The following ERVV-1 variants were observed in gnomAD, a reference collection of about 807,000 sequenced individuals.
ERVV-1 encodes endogenous retrovirus group V member 1, envelope, also known as endogenous retrovirus group V member 1 Env polyprotein.
For missense variants in ERVV-1, 150 were observed against 456.5 expected, an observed-to-expected ratio of 0.33 and a Z score of 6.12; for synonymous variants, 59 against 170.2, an observed-to-expected ratio of 0.35 and a Z score of 5.09.
chr19:53,015,957 T>C lies in ERVV-1; in HGVS notation c.*433T>C. 4.9e-5 allele frequency: 8 copies of C among 164,694 alleles called. No homozygotes were observed. The highest frequency in any genetic ancestry group is 1.9e-4 in the South Asian group (1 of 5,148). The allele number at this position is 164,694 out of a possible 1,614,324, so 10.2% of individuals were successfully genotyped here. The stretch of plus-strand genomic sequence containing the variant: ...AGCAAAAGGAGGAGCGTGGCTACAC[T>C]GGCTACACCTGGCCTTGTGGCTGCA... On this transcript the variant is annotated 3_prime_UTR_variant, in exon 1 of 1. Transcript: ENST00000602168.
rs924714057 is a variant in ERVV-1, at chr19:53,015,335, G to A, written c.1245G>A (p.Ala415=). The A allele has an allele frequency of 3.0e-5, 21 of 704,984 alleles. No homozygotes were observed. Among genetic ancestry groups the A allele is most frequent in the African/African-American group, 1.7e-4 (10 of 57,232 alleles). 43.7% of individuals were successfully genotyped at this position (704,984 alleles called of 1,614,324 possible). A position where few individuals can be genotyped will look rare whatever the true frequency, so the allele number is the denominator to read the frequency against. ...GCATTTATGTCAATAACAGTGGGGC[G>A]ATAGAGGAGGATATAAAAAAGATCT... ...SCCIYVNNSG[A]IEEDIKKIYD... Residue 415 remains alanine, a synonymous_variant, in exon 1 of 1, where the codon GCG becomes GCA. Coordinates refer to ENST00000602168, the MANE Select transcript of ERVV-1 (RefSeq NM_152473.3).
chr19:53,015,529 C>T lies in ERVV-1; in HGVS notation c.*5C>T. 1.6e-6 allele frequency: 1 copy of T among 632,076 alleles called. No individual in the cohort carries two copies. Among genetic ancestry groups the T allele is most frequent in the South Asian group, 1.9e-5 (1 of 54,000 alleles). The allele number at this position is 632,076 out of a possible 1,614,324, so 39.2% of individuals were successfully genotyped here. Reference sequence around the variant, plus strand: ...CTTTGGCCCTTGTCTCTATAATTCACTAATTAAATATGTCTCTTCCAGGAT... The same window carrying T: ...CTTTGGCCCTTGTCTCTATAATTCATTAATTAAATATGTCTCTTCCAGGAT... On this transcript the variant is annotated 3_prime_UTR_variant, in exon 1 of 1. Coordinates refer to ENST00000602168, the MANE Select transcript of ERVV-1 (RefSeq NM_152473.3).
Position 53,015,617 on chromosome 19 carries a change from C to A in ERVV-1, c.*93C>A, listed in dbSNP as rs939135328. 1 of 606,268 alleles carries A rather than the reference C, an allele frequency of 1.6e-6. No individual in the cohort carries two copies. The highest frequency in any genetic ancestry group is 2.9e-6 in the Non-Finnish European group (1 of 341,980). The allele number at this position is 606,268 out of a possible 1,614,324, so 37.6% of individuals were successfully genotyped here. ...GATCATCCAATCTTCCTTGGAGGTC[C>A]CAGCACCTACAAGTACATATCTCCC... On this transcript the variant is annotated 3_prime_UTR_variant, in exon 1 of 1. Coordinates refer to ENST00000602168, the MANE Select transcript of ERVV-1 (RefSeq NM_152473.3).
chr19:53,015,340 A>G lies in ERVV-1; in HGVS notation c.1250A>G (p.Glu417Gly). 2 of 705,108 alleles carry G rather than the reference A, an allele frequency of 2.8e-6. No individual in the cohort carries two copies. Among genetic ancestry groups the G allele is most frequent in the Non-Finnish European group, 5.2e-6 (2 of 387,026 alleles). The allele number at this position is 705,108 out of a possible 1,614,324, so 43.7% of individuals were successfully genotyped here. A position where few individuals can be genotyped will look rare whatever the true frequency, so the allele number is the denominator to read the frequency against. ...CIYVNNSGAI[E>G]EDIKKIYDEV... ...TATGTCAATAACAGTGGGGCGATAG[A>G]GGAGGATATAAAAAAGATCTATGAT... The change falls in exon 1 of 1, where the codon GAG becomes GGG. Residue 417 changes from glutamate (E) to glycine (G), a missense_variant. Transcript: ENST00000602168.
At position 53,015,545 on chromosome 19, in the gene ERVV-1, C is replaced by T; in HGVS notation, c.*21C>T. ...TATAATTCACTAATTAAATATGTCTCTTCCAGGATATGGCAATTTCACACA... is the reference window on the plus strand; with the variant it reads ...TATAATTCACTAATTAAATATGTCTTTTCCAGGATATGGCAATTTCACACA... On this transcript the variant is annotated 3_prime_UTR_variant, in exon 1 of 1. Coordinates refer to ENST00000602168, the MANE Select transcript of ERVV-1 (RefSeq NM_152473.3). 1.6e-6 allele frequency: 1 copy of T among 621,394 alleles called. No individual in the cohort carries two copies. The allele number at this position is 621,394 out of a possible 1,614,324, so 38.5% of individuals were successfully genotyped here. A position where few individuals can be genotyped will look rare whatever the true frequency, so the allele number is the denominator to read the frequency against.
rs1004085956 is a variant in ERVV-1, at chr19:53,014,063, T to C, written c.-28T>C. ...CCTATTTTCAGCACTTTCCTTTTGC[T>C]TTCACAAAGCTTAAGGGAGAATCAG... On this transcript the variant is annotated 5_prime_UTR_variant, in exon 1 of 1. Transcript: ENST00000602168. 1.2e-5 allele frequency: 17 copies of C among 1,445,202 alleles called. No individual in the cohort carries two copies. The African/African-American group carries it at 2.1e-4, about 18-fold the overall frequency. The allele number at this position is 1,445,202 out of a possible 1,614,324, so 89.5% of individuals were successfully genotyped here. A position where few individuals can be genotyped will look rare whatever the true frequency, so the allele number is the denominator to read the frequency against.
In ERVV-1 at chr19:53,015,445, C is replaced by T. The variant is rs899378165; in HGVS notation, c.1355C>T (p.Ser452Phe). The part of the protein sequence containing the change: ...IWEAVKSALP[S>F]LTWFVPLLGP... ...GAGGCTGTGAAGTCTGCCCTCCCCT[C>T]CCTCACATGGTTTGTCCCTTTACTG... is the stretch of plus-strand genomic sequence containing the variant. The change falls in exon 1 of 1, where the codon TCC (serine) becomes TTC (phenylalanine). Residue 452 changes from serine to phenylalanine, a missense_variant. Transcript: ENST00000602168. The T allele has an allele frequency of 2.8e-6, 2 of 701,976 alleles. No homozygotes were observed. The highest frequency in any genetic ancestry group is 2.0e-5 in the Admixed American group (1 of 49,968). 43.5% of individuals were successfully genotyped at this position (701,976 alleles called of 1,614,324 possible). A position where few individuals can be genotyped will look rare whatever the true frequency, so the allele number is the denominator to read the frequency against.
Position 53,015,634 on chromosome 19 carries a change from A to T in ERVV-1, c.*110A>T, listed in dbSNP as rs370583973. On this transcript the variant is annotated 3_prime_UTR_variant, in exon 1 of 1. Transcript: ENST00000602168. ...TGGAGGTCCCAGCACCTACAAGTAC[A>T]TATCTCCCTTGGATGCCAGTGGGCA... The T allele has an allele frequency of 5.1e-6, 3 of 593,662 alleles. No individual in the cohort carries two copies. The highest frequency in any genetic ancestry group is 8.9e-6 in the Non-Finnish European group (3 of 336,212). The allele number at this position is 593,662 out of a possible 1,614,324, so 36.8% of individuals were successfully genotyped here.
chr19:53,015,648 T>G lies in ERVV-1; in HGVS notation c.*124T>G, dbSNP rs2083785108. On this transcript the variant is annotated 3_prime_UTR_variant, in exon 1 of 1. Transcript: ENST00000602168. ...CCTACAAGTACATATCTCCCTTGGA[T>G]GCCAGTGGGCAAAGATTCTGCAACT... 3 of 581,326 alleles carry G rather than the reference T, an allele frequency of 5.2e-6. No homozygotes were observed. In the East Asian group the frequency reaches 8.6e-5, roughly 17 times the overall value. 36.0% of individuals were successfully genotyped at this position (581,326 alleles called of 1,614,324 possible).
In ERVV-1 at chr19:53,015,569, C is replaced by T. The variant is rs1568456971; in HGVS notation, c.*45C>T. 3 of 613,334 alleles carry T rather than the reference C, an allele frequency of 4.9e-6. No homozygotes were observed. Among genetic ancestry groups the T allele is most frequent in the East Asian group, 2.7e-5 (1 of 36,518 alleles). 38.0% of individuals were successfully genotyped at this position (613,334 alleles called of 1,614,324 possible). ...TCTTCCAGGATATGGCAATTTCACA[C>T]AGAGCCCCTAAAAATGGAAAGAGAT... On this transcript the variant is annotated 3_prime_UTR_variant, in exon 1 of 1. Transcript: ENST00000602168.
chr19:53,015,634 A>G lies in ERVV-1; in HGVS notation c.*110A>G, dbSNP rs370583973. On this transcript the variant is annotated 3_prime_UTR_variant, in exon 1 of 1. Transcript: ENST00000602168. ...TGGAGGTCCCAGCACCTACAAGTAC[A>G]TATCTCCCTTGGATGCCAGTGGGCA... 401 of 593,780 alleles carry G rather than the reference A, an allele frequency of 6.8e-4. 3 individuals are homozygous for G. Among genetic ancestry groups the G allele is most frequent in the Middle Eastern group, 4.2e-3 (15 of 3,584 alleles). The allele number at this position is 593,780 out of a possible 1,614,324, so 36.8% of individuals were successfully genotyped here.
chr19:53,015,613 G>A lies in ERVV-1; in HGVS notation c.*89G>A. 8.2e-6 allele frequency: 5 copies of A among 608,748 alleles called. No individual in the cohort carries two copies. The highest frequency in any genetic ancestry group is 1.5e-5 in the Non-Finnish European group (5 of 343,072). 37.7% of individuals were successfully genotyped at this position (608,748 alleles called of 1,614,324 possible). On this transcript the variant is annotated 3_prime_UTR_variant, in exon 1 of 1. Transcript: ENST00000602168. ...AAGAGATCATCCAATCTTCCTTGGA[G>A]GTCCCAGCACCTACAAGTACATATC...
At position 53,016,045 on chromosome 19, in the gene ERVV-1, T is replaced by G. The variant is rs1568457181; in HGVS notation, c.*521T>G. 8 of 154,392 alleles carry G rather than the reference T, an allele frequency of 5.2e-5. No individual in the cohort carries two copies. Among genetic ancestry groups the G allele is most frequent in the African/African-American group, 1.9e-4 (8 of 41,480 alleles). 9.6% of individuals were successfully genotyped at this position (154,392 alleles called of 1,614,324 possible). On this transcript the variant is annotated 3_prime_UTR_variant, in exon 1 of 1. Coordinates refer to ENST00000602168, the MANE Select transcript of ERVV-1 (RefSeq NM_152473.3). The stretch of plus-strand genomic sequence containing the variant: ...CAGAGGTTACCAAGGTAGGAGCTAT[T>G]CCCCACTAAGAAGCATGTATACTTC...
Position 53,014,186 on chromosome 19 carries a change from C to T in ERVV-1, c.96C>T (p.Ser32=), listed in dbSNP as rs1600759035. The change falls in exon 1 of 1, where the codon TCC becomes TCT. Residue 32 remains serine, a synonymous_variant. Coordinates refer to ENST00000602168, the MANE Select transcript of ERVV-1 (RefSeq NM_152473.3). ...QWNENSLVSF[S]KIIASGNHLS... ...ATGAAAATTCCCTTGTCAGTTTTTC[C>T]AAAATAATTGCTTCGGGAAACCATC... 2 of 1,439,830 alleles carry T rather than the reference C, an allele frequency of 1.4e-6. No individual in the cohort carries two copies. The highest frequency in any genetic ancestry group is 2.5e-5 in the South Asian group (2 of 80,504). 89.2% of individuals were successfully genotyped at this position (1,439,830 alleles called of 1,614,324 possible).
rs1315072298 is a variant in ERVV-1 at position 53,015,030 on chromosome 19, A to G, written c.940A>G (p.Thr314Ala). ...RGIGVTIYNTTQPRQKRALGL... is the reference protein window; with the variant it reads ...RGIGVTIYNTAQPRQKRALGL... ...GATAGGTGTGACCATTTATAACACC[A>G]CCCAACCCAGACAGAAAAGAGCTCT... is the stretch of plus-strand genomic sequence containing the variant. The change falls in exon 1 of 1, where the codon ACC becomes GCC. Residue 314 changes from threonine (T) to alanine (A), a missense_variant. Physicochemically the swap from Thr to Ala is moderately conservative, Grantham distance 58 (BLOSUM62 0). Coordinates refer to ENST00000602168, the MANE Select transcript of ERVV-1 (RefSeq NM_152473.3). 2 of 1,510,010 alleles carry G rather than the reference A, an allele frequency of 1.3e-6. No homozygotes were observed. Among genetic ancestry groups the G allele is most frequent in the Admixed American group, 3.9e-5 (2 of 50,756 alleles). 93.5% of individuals were successfully genotyped at this position (1,510,010 alleles called of 1,614,324 possible).
rs2083787085 is a variant in ERVV-1 at position 53,016,073 on chromosome 19, TA to T, written c.*551del. The T allele has an allele frequency of 6.5e-6, 1 of 152,894 alleles. No individual in the cohort carries two copies. Among genetic ancestry groups the T allele is most frequent in the African/African-American group, 2.4e-5 (1 of 41,478 alleles). 9.5% of individuals were successfully genotyped at this position (152,894 alleles called of 1,614,324 possible). ...CCACTAAGAAGCATGTATACTTCTCTAATAATTCACCCTAATATACCATTTT... is the reference window on the plus strand; with the variant it reads ...CCACTAAGAAGCATGTATACTTCTCTATAATTCACCCTAATATACCATTTT... On this transcript the variant is annotated 3_prime_UTR_variant, in exon 1 of 1. Transcript: ENST00000602168.
chr19:53,015,370 T>C lies in ERVV-1; in HGVS notation c.1280T>C (p.Val427Ala), dbSNP rs1012883193. ...GATATAAAAAAGATCTATGATGAGG[T>C]TACGTGGCTCCATAACTTTGGAAAA... ...EEDIKKIYDE[V>A]TWLHNFGKGD... is the part of the protein sequence containing the mutation. Residue 427 changes from valine (V) to alanine (A), a missense_variant, in exon 1 of 1, where the codon GTT (valine) becomes GCT (alanine). By Grantham distance (64) the Val-to-Ala change is moderately conservative. Transcript: ENST00000602168. 3.1e-4 allele frequency: 217 copies of C among 703,950 alleles called. No homozygotes were observed. The highest frequency in any genetic ancestry group is 1.3e-3 in the East Asian group (50 of 37,294). The allele number at this position is 703,950 out of a possible 1,614,324, so 43.6% of individuals were successfully genotyped here. A position where few individuals can be genotyped will look rare whatever the true frequency, so the allele number is the denominator to read the frequency against.
In ERVV-1 at chr19:53,015,005, G is replaced by A. The variant is rs2083781269; in HGVS notation, c.915G>A (p.Gly305=). Residue 305 remains glycine, a synonymous_variant, in exon 1 of 1, where the codon GGG becomes GGA. Coordinates refer to ENST00000602168, the MANE Select transcript of ERVV-1 (RefSeq NM_152473.3). ...ECAVGLLGPR[G]IGVTIYNTTQ... is the part of the protein sequence containing the mutation. ...CTGTGGGACTTTTGGGACCACGGGG[G>A]ATAGGTGTGACCATTTATAACACCA... 6.5e-7 allele frequency: 1 copy of A among 1,533,458 alleles called. No individual in the cohort carries two copies. The highest frequency in any genetic ancestry group is 2.0e-5 in the Admixed American group (1 of 50,914). 95.0% of individuals were successfully genotyped at this position (1,533,458 alleles called of 1,614,324 possible).
chr19:53,014,828 G>GT, the ERVV-1 span: 4 of 1,533,260 alleles, frequency 2.6e-6, no homozygotes, highest in Non-Finnish European at 2.6e-6. Flanking sequence ...ACATCCCCCG[G>GT]TGGGCCTGTA....
Sources: allele counts gnomAD v4.1 joint callset, GRCh38; gene constraint gnomAD v4.1.1; transcripts MANE v1.5; gene names NCBI Gene and HGNC (gene_info 2026-07-23, HGNC 2026-07-21).